The following HIBADH variants were observed in gnomAD, a reference collection of about 807,000 sequenced individuals.
HIBADH encodes 3-hydroxyisobutyrate dehydrogenase, mitochondrial.
Under a neutral mutation model 36.1 loss-of-function variants are expected in HIBADH, and 25 were observed. That is an observed-to-expected ratio of 0.69 (90% CI 0.50 to 0.97). HIBADH has a LOEUF of 0.97. Among genes scored for constraint, HIBADH ranks in the 50% least tolerant of loss-of-function variants. The probability of loss-of-function intolerance (pLI) is 0.00; values close to 1 mark genes in which losing one functional copy is unlikely to be tolerated. For missense variants in HIBADH, 421 were observed against 418.0 expected, an observed-to-expected ratio of 1.01 and a Z score of -0.06; for synonymous variants, 160 against 149.5, an observed-to-expected ratio of 1.07 and a Z score of -0.51.
intron 4 of HIBADH, 71 bp downstream of exon 4, chr7:27,629,300 G>A (rs1262101744): frequency 1.3e-5 from 19 of 1,477,448 alleles, no homozygotes; most frequent in Non-Finnish European, 1.6e-5. Flanking sequence ...AAACCATATG[G>A]TACAACAAAA....
At chr7:27,539,438 C>T (rs1265762471) in intron 5 of HIBADH, among the ~76,000 whole-genome samples, 1 of 151,714 alleles carries the variant, frequency 6.6e-6, no homozygotes, top group Non-Finnish European at 1.5e-5. Context: ...TCCTAGTGAC[C>T]AGGATAAAAG....
chr7:27,625,332 T>C (rs760320550), intron 4 of HIBADH, among the ~76,000 whole-genome samples: 3 of 152,192 alleles, frequency 2.0e-5, no homozygotes, highest in Non-Finnish European at 4.4e-5. Context: ...CCAGTGGCTC[T>C]AGTAACACCA....
chr7:27,635,671 C>G (rs1785826373), intron 2 of HIBADH, among the ~76,000 whole-genome samples: 1 of 152,170 alleles, frequency 6.6e-6, no homozygotes, highest in South Asian at 2.1e-4. Flanking sequence ...AATGATTCAG[C>G]ACAATGCACA....
intron 4 of HIBADH, among the ~76,000 whole-genome samples, chr7:27,544,723 C>A (rs1175376581): frequency 6.6e-6 from 1 of 152,190 alleles, no homozygotes; most frequent in African/African-American, 2.4e-5. Context: ...CCAGCACTAT[C>A]CATCATAGAT....
intron 1 of HIBADH, among the ~76,000 whole-genome samples, chr7:27,661,793 C>T (rs1229166487): frequency 6.6e-6 from 1 of 152,022 alleles, no homozygotes; most frequent in East Asian, 1.9e-4. Flanking sequence ...CACAAATCAA[C>T]CAATTTTTCA....
rs200702367 is a variant in HIBADH, at chr7:27,543,014, A to G, written c.571T>C (p.Cys191Arg). 96 of 1,613,524 alleles carry G rather than the reference A, an allele frequency of 5.9e-5. No individual in the cohort carries two copies. The highest frequency in any genetic ancestry group is 7.5e-5 in the Non-Finnish European group (89 of 1,179,822). ...EFAAAQELLGCMGSNVVYCGA... is the reference protein window; with the variant it reads ...EFAAAQELLGRMGSNVVYCGA... ...CAGTACACCACGTTGGAGCCCATGCACCCCAGCAACTCTTGGGCAGCAGCA... is the reference window on the plus strand; with the variant it reads ...CAGTACACCACGTTGGAGCCCATGCGCCCCAGCAACTCTTGGGCAGCAGCA... Residue 191 changes from cysteine (C) to arginine (R), a missense_variant, in exon 5 of 8, where the codon TGC (cysteine) becomes CGC (arginine). Coordinates refer to ENST00000265395, the MANE Select transcript of HIBADH (RefSeq NM_152740.4).
chr7:27,556,663 C>A (rs935878056), intron 4 of HIBADH, among the ~76,000 whole-genome samples: 23 of 152,180 alleles, frequency 1.5e-4, no homozygotes, highest in African/African-American at 5.5e-4. Flanking sequence ...TTAAAGAATT[C>A]ATTTCCCCAC....
At chr7:27,613,070 A>G (rs1216020776) in intron 4 of HIBADH, among the ~76,000 whole-genome samples, 1 of 134,750 alleles carries the variant, frequency 7.4e-6, no homozygotes, top group Non-Finnish European at 1.6e-5. Flanking sequence ...ATTTATATAT[A>G]TTACATATAA....
At chr7:27,548,515 T>G (rs1461707228) in intron 4 of HIBADH, among the ~76,000 whole-genome samples, 4 of 152,174 alleles carry the variant, frequency 2.6e-5, no homozygotes, top group Non-Finnish European at 5.9e-5. Flanking sequence ...AGAGGAAAAA[T>G]ATCATCAGCA....
chr7:27,662,844 G>T lies in HIBADH; in HGVS notation c.-56C>A. On this transcript the variant is annotated 5_prime_UTR_variant, in exon 1 of 8. The change creates a new upstream start codon in the 5' untranslated region. Transcript: ENST00000265395. ...TCCGCCGCCTCCCGGAGGGCCCACA[G>T]ACTGCGAGCGTGTGCAGCGGGACTG... is the stretch of plus-strand genomic sequence containing the variant. The T allele has an allele frequency of 7.6e-7, 1 of 1,321,760 alleles. No individual in the cohort carries two copies. The highest frequency in any genetic ancestry group is 1.0e-6 in the Non-Finnish European group (1 of 997,950). The allele number at this position is 1,321,760 out of a possible 1,614,324, so 81.9% of individuals were successfully genotyped here. A position where few individuals can be genotyped will look rare whatever the true frequency, so the allele number is the denominator to read the frequency against.
At chr7:27,544,915 C>T (rs1294794124) in intron 4 of HIBADH, among the ~76,000 whole-genome samples, 1 of 152,170 alleles carries the variant, frequency 6.6e-6, no homozygotes, top group Non-Finnish European at 1.5e-5. Context: ...GAGAAGACCA[C>T]AAAAGAAAGA....
chr7:27,645,730 CAT>C (rs1254387431), intron 2 of HIBADH, among the ~76,000 whole-genome samples: 2 of 152,078 alleles, frequency 1.3e-5, no homozygotes, highest in Admixed American at 6.6e-5. Flanking sequence ...CATCTTTTCA[CAT>C]GTTTACTGGG....
At chr7:27,535,844 G>GT (rs1273856563) in intron 6 of HIBADH, among the ~76,000 whole-genome samples, 1 of 151,742 alleles carries the variant, frequency 6.6e-6, no homozygotes, top group Non-Finnish European at 1.5e-5. Flanking sequence ...ATTTTAAACT[G>GT]TAAGATTTTA....
intron 4 of HIBADH, among the ~76,000 whole-genome samples, chr7:27,552,254 T>C (rs1274208123): frequency 6.6e-6 from 1 of 152,186 alleles, no homozygotes; most frequent in Non-Finnish European, 1.5e-5. Flanking sequence ...GTGACACAGA[T>C]GAATGGCTTT....
intron 1 of HIBADH, among the ~76,000 whole-genome samples, chr7:27,653,170 G>A (rs2128297480): frequency 6.6e-6 from 1 of 152,184 alleles, no homozygotes; most frequent in Admixed American, 6.5e-5. Context: ...AATTTTGTGG[G>A]GACATAAAAT....
intron 5 of HIBADH, among the ~76,000 whole-genome samples, chr7:27,540,594 G>T (rs1784134280): frequency 6.6e-6 from 1 of 152,160 alleles, no homozygotes. Context: ...AATAACAATG[G>T]CATCTTCAAT....
At chr7:27,547,610 G>A (rs1784253168) in intron 4 of HIBADH, among the ~76,000 whole-genome samples, 1 of 152,042 alleles carries the variant, frequency 6.6e-6, no homozygotes, top group Non-Finnish European at 1.5e-5. Context: ...CACAAGATAT[G>A]CACAAGATGC....
At chr7:27,553,885 G>A (rs1318114809) in intron 4 of HIBADH, among the ~76,000 whole-genome samples, 1 of 152,142 alleles carries the variant, frequency 6.6e-6, no homozygotes, top group Admixed American at 6.5e-5. Context: ...TTTTGCTCTT[G>A]TCGCCCAGGC....
chr7:27,551,907 T>C (rs1293634664), intron 4 of HIBADH, among the ~76,000 whole-genome samples: 1 of 152,132 alleles, frequency 6.6e-6, no homozygotes, highest in East Asian at 1.9e-4. Flanking sequence ...TAAAATGCAA[T>C]TGTTCTAATC....
Sources: gnomAD v4.1 joint callset for allele counts (sites outside exome capture counted in the v4.1 genomes callset) on GRCh38, gnomAD v4.1.1 for gene constraint, MANE v1.5 for transcripts, NCBI Gene and HGNC (gene_info 2026-07-23, HGNC 2026-07-21) for gene names.